Variants in PCSK5 observed in about 807,000 individuals in gnomAD.
PCSK5 encodes the protein prohormone convertase 5.
In PCSK5, 129 loss-of-function variants were observed where a neutral mutation model predicts 233.2. The observed-to-expected ratio is 0.55, with a 90% CI of 0.48 to 0.64. The LOEUF is 0.64. PCSK5 is among the 30% of genes least tolerant of loss of function. The pLI is 0.00. For missense variants in PCSK5, 2,076 were observed against 2,430.1 expected, an observed-to-expected ratio of 0.85 and a Z score of 3.06; for synonymous variants, 825 against 879.2, an observed-to-expected ratio of 0.94 and a Z score of 1.09.
At chr9:75,990,267 A>C (rs1352824610) in intron 3 of PCSK5, among the ~76,000 whole-genome samples, 3 of 152,164 alleles carry the variant, frequency 2.0e-5, no homozygotes, top group Non-Finnish European at 4.4e-5. Flanking sequence ...TCTGTCGTTC[A>C]ATATTTATCA....
Position 76,193,428 on chromosome 9 carries a change from G to GAAA in PCSK5, c.2626+3693_2626+3695dup, listed in dbSNP as rs368878471. 1.5e-4 allele frequency: 94 copies of GAAA among 630,252 alleles called. No individual in the cohort carries two copies. The South Asian group carries it at 2.1e-3, about 14-fold the overall frequency. 39.0% of individuals were successfully genotyped at this position (630,252 alleles called of 1,614,324 possible). A position where few individuals can be genotyped will look rare whatever the true frequency, so the allele number is the denominator to read the frequency against. On this transcript the variant is annotated intron_variant, in intron 20 of 37. Transcript: ENST00000674117. ...TTATTAAAAAGAAAAAAGCCAAAAAGAAAAAAAAAAAAAGCAAGCCACCTC... is the reference window on the plus strand; with the variant it reads ...TTATTAAAAAGAAAAAAGCCAAAAAGAAAAAAAAAAAAAAAAGCAAGCCACCTC...
chr9:76,089,057 A>G (rs1418972520), intron 7 of PCSK5, among the ~76,000 whole-genome samples: 1 of 151,936 alleles, frequency 6.6e-6, no homozygotes, highest in East Asian at 1.9e-4. Flanking sequence ...CTTGAGCTTT[A>G]AAAATAGGAA....
chr9:76,203,419 T>A (rs144695679), intron 20 of PCSK5, among the ~76,000 whole-genome samples: 1 of 151,716 alleles, frequency 6.6e-6, no homozygotes, highest in African/African-American at 2.4e-5. Context: ...AATAGAGAGA[T>A]CAGCCTGAAT....
upstream of PCSK5, among the ~76,000 whole-genome samples, chr9:75,890,284 T>G (rs923323768): frequency 3.9e-5 from 6 of 152,234 alleles, no homozygotes; most frequent in Admixed American, 2.6e-4. Flanking sequence ...GACACGTAAG[T>G]GACCTCCTTA....
chr9:76,060,648 G>C (rs1413760888), intron 5 of PCSK5, among the ~76,000 whole-genome samples: 1 of 152,192 alleles, frequency 6.6e-6, no homozygotes, highest in Non-Finnish European at 1.5e-5. Flanking sequence ...GGGTATCACT[G>C]TAATCATAAG....
intron 37 of PCSK5, among the ~76,000 whole-genome samples, chr9:76,356,221 T>G (rs1490844074): frequency 6.6e-6 from 1 of 152,232 alleles, no homozygotes; most frequent in Non-Finnish European, 1.5e-5. Context: ...GCATGTTGCA[T>G]GCAGAGTTTC....
At chr9:76,323,931 G>GTTTTT in intron 32 of PCSK5, among the ~76,000 whole-genome samples, 4 of 83,548 alleles carry the variant, frequency 4.8e-5, no homozygotes, top group African/African-American at 5.3e-5. Flanking sequence ...CTTCCTGGGT[G>GTTTTT]ATTTTTTTTT....
At chr9:75,945,873 T>A (rs1824543813) in intron 2 of PCSK5, among the ~76,000 whole-genome samples, 1 of 152,228 alleles carries the variant, frequency 6.6e-6, no homozygotes, top group African/African-American at 2.4e-5. Flanking sequence ...AAGACCTCCC[T>A]CAATATCCTT....
chr9:76,006,297 CATCT>C (rs902834308), intron 3 of PCSK5, among the ~76,000 whole-genome samples: 14 of 152,042 alleles, frequency 9.2e-5, no homozygotes, highest in Admixed American at 2.6e-4. Context: ...AATTTCATCT[CATCT>C]GTCATATTAT....
In PCSK5 at chr9:76,351,524, GA is replaced by G. The variant is rs1333005164; in HGVS notation, c.5067+599del. Among the ~76,000 whole-genome samples the G allele has an allele frequency of 8.4e-4, 97 of 115,994 alleles. 1 individual carries two copies. Among genetic ancestry groups the G allele is most frequent in the East Asian group, 2.0e-3 (7 of 3,564 alleles). 76.1% of individuals were successfully genotyped at this position (115,994 alleles called of 152,430 possible). ...AGAAAGAAAGAAAGAAAGAAAGAAA[GA>G]AAGAAAGGAAGGAAAGAAAGAGAAA... On this transcript the variant is annotated intron_variant, in intron 36 of 37. Transcript: ENST00000674117.
intron 14 of PCSK5, 87 bp downstream of exon 14, chr9:76,175,216 G>A (rs763883508): frequency 2.2e-5 from 12 of 540,694 alleles, no homozygotes; most frequent in Non-Finnish European, 3.9e-5. Context: ...GGAATGGAAT[G>A]GAATGAAATG....
chr9:76,188,801 T>G, intron 18 of PCSK5, 126 bp downstream of exon 18: 1 of 704,604 alleles, frequency 1.4e-6, no homozygotes. Flanking sequence ...TATTTCTCGT[T>G]TGATAATTGT....
intron 5 of PCSK5, among the ~76,000 whole-genome samples, chr9:76,037,310 G>A (rs944878586): frequency 2.0e-5 from 3 of 152,164 alleles, no homozygotes; most frequent in Non-Finnish European, 4.4e-5. Flanking sequence ...CTGGAGCTTG[G>A]ATCTCTTTGT....
chr9:76,250,885 A>G (rs2131344343), intron 24 of PCSK5, among the ~76,000 whole-genome samples: 1 of 152,350 alleles, frequency 6.6e-6, no homozygotes, highest in South Asian at 2.1e-4. Context: ...GAGTGATTGC[A>G]TGACTATAAG....
At chr9:75,992,832 C>G (rs993923829) in intron 3 of PCSK5, among the ~76,000 whole-genome samples, 27 of 152,132 alleles carry the variant, frequency 1.8e-4, no homozygotes, top group African/African-American at 4.8e-4. Flanking sequence ...TGAACGCTCT[C>G]TGGGTGGTTT....
intron 1 of PCSK5, among the ~76,000 whole-genome samples, chr9:75,927,492 G>T (rs1823547581): frequency 6.6e-6 from 1 of 152,110 alleles, no homozygotes; most frequent in Non-Finnish European, 1.5e-5. Context: ...TGTGTCCCAG[G>T]AAATTCCTTA....
At chr9:76,164,246 C>T (rs1471517951) in intron 12 of PCSK5, among the ~76,000 whole-genome samples, 2 of 152,168 alleles carry the variant, frequency 1.3e-5, no homozygotes, top group Non-Finnish European at 2.9e-5. Flanking sequence ...ATTCCAGTAA[C>T]ACCCAACCAC....
chr9:75,960,029 A>G (rs1181620235), intron 2 of PCSK5, among the ~76,000 whole-genome samples: 2 of 152,208 alleles, frequency 1.3e-5, no homozygotes, highest in Non-Finnish European at 2.9e-5. Flanking sequence ...ATTCAAACTC[A>G]TGTGTCCAAC....
At chr9:76,062,029 T>C (rs1377494172) in intron 5 of PCSK5, among the ~76,000 whole-genome samples, 4 of 152,188 alleles carry the variant, frequency 2.6e-5, no homozygotes, top group Non-Finnish European at 4.4e-5. Flanking sequence ...TGAAATTCAC[T>C]TGAGGCCAGA....
Sources: allele counts gnomAD v4.1 joint callset (sites outside exome capture counted in the v4.1 genomes callset), GRCh38; gene constraint gnomAD v4.1.1; transcripts MANE v1.5; gene names NCBI Gene and HGNC (gene_info 2026-07-23, HGNC 2026-07-21).